GMDS: variants seen among roughly 807,000 people sequenced by gnomAD.
The protein encoded by GMDS is GDP-mannose 4,6-dehydratase.
A neutral mutation model predicts 49.9 loss-of-function variants in GMDS; 20 were observed. The observed-to-expected ratio is 0.40, with a 90% CI of 0.28 to 0.58. The LOEUF (loss-of-function observed/expected upper bound fraction) is 0.58, where lower values mean the gene tolerates loss of function less well. Ranked by LOEUF, GMDS falls within the 20% of genes least tolerant of loss-of-function variation. GMDS has a pLI of 0.42. For synonymous variants in GMDS, 177 were observed against 178.6 expected (o/e 0.99, Z 0.07); for missense variants, 362 against 481.4 (o/e 0.75, Z 2.32).
chr6:2,048,430 T>C, intron 4 of GMDS, among the ~76,000 whole-genome samples: 1 of 152,254 alleles, frequency 6.6e-6, no homozygotes, highest in East Asian at 1.9e-4. Context: ...ACTGTTTTAA[T>C]TAATATGACT....
chr6:1,634,152 G>A (rs998724685), intron 9 of GMDS, among the ~76,000 whole-genome samples: 6 of 152,148 alleles, frequency 3.9e-5, no homozygotes, highest in Non-Finnish European at 7.3e-5. Flanking sequence ...AGCACCTGGC[G>A]ACTCAGGTGC....
intron 4 of GMDS, among the ~76,000 whole-genome samples, chr6:2,035,572 A>G (rs1030254718): frequency 3.9e-5 from 6 of 152,158 alleles, no homozygotes; most frequent in African/African-American, 1.2e-4. Context: ...CTCCTAAATA[A>G]AAGCTCAAAT....
intron 4 of GMDS, among the ~76,000 whole-genome samples, chr6:2,072,041 G>T (rs888280138): frequency 5.9e-5 from 9 of 152,140 alleles, no homozygotes; most frequent in Admixed American, 5.9e-4. Context: ...TGAGTAAGAG[G>T]GTTCTTGCCA....
chr6:2,069,934 T>C (rs375118813), intron 4 of GMDS, among the ~76,000 whole-genome samples: 1 of 152,068 alleles, frequency 6.6e-6, no homozygotes, highest in Admixed American at 6.5e-5. Flanking sequence ...ACCCAAAGAA[T>C]TATAAATCAT....
chr6:1,867,487 A>G (rs1232127483), intron 7 of GMDS, among the ~76,000 whole-genome samples: 2 of 152,168 alleles, frequency 1.3e-5, no homozygotes, highest in African/African-American at 4.8e-5. Flanking sequence ...CAAATCTAGA[A>G]TCCATTTATC....
intron 1 of GMDS, among the ~76,000 whole-genome samples, chr6:2,125,557 G>T (rs1274177156): frequency 6.6e-6 from 1 of 152,080 alleles, no homozygotes; most frequent in Non-Finnish European, 1.5e-5. Context: ...TTGCAAAACT[G>T]CACTCCAGCC....
At chr6:2,099,376 T>C (rs1398490850) in intron 4 of GMDS, among the ~76,000 whole-genome samples, 1 of 152,124 alleles carries the variant, frequency 6.6e-6, no homozygotes, top group East Asian at 1.9e-4. Context: ...AATAGGTTTG[T>C]TTGTATTTTT....
At chr6:1,964,940 T>C (rs536431114) in intron 4 of GMDS, among the ~76,000 whole-genome samples, 1 of 152,286 alleles carries the variant, frequency 6.6e-6, no homozygotes, top group South Asian at 2.1e-4. Flanking sequence ...TTTGTCCTTG[T>C]AATAGTTTGC....
chr6:1,810,943 G>C (rs979233789), intron 7 of GMDS, among the ~76,000 whole-genome samples: 1 of 151,992 alleles, frequency 6.6e-6, no homozygotes, highest in Non-Finnish European at 1.5e-5. Flanking sequence ...GAAACGGGAA[G>C]TATCTCACAA....
At chr6:1,861,520 G>A (rs1298804115) in intron 7 of GMDS, among the ~76,000 whole-genome samples, 3 of 151,654 alleles carry the variant, frequency 2.0e-5, no homozygotes, top group Non-Finnish European at 4.4e-5. Flanking sequence ...AGCCCACAGG[G>A]TTGGATTGCT....
rs1763843477 is a variant in GMDS at position 1,959,873 on chromosome 6, T to C, written c.637A>G (p.Arg213Gly). The C allele has an allele frequency of 1.3e-6, 2 of 1,571,866 alleles. No homozygotes were observed. Among genetic ancestry groups the C allele is most frequent in the Non-Finnish European group, 8.7e-7 (1 of 1,147,462 alleles). The change falls in exon 6 of 11, where the codon AGA becomes GGA. Residue 213 changes from arginine to glycine, a missense_variant. Physicochemically the swap from Arg to Gly is moderately radical, Grantham distance 125. Transcript: ENST00000380815. ...AGTTAATATATTTACTGACCTCTTC[T>C]GGGACTCTCATGATTGAAGAGAATG... is the stretch of plus-strand genomic sequence containing the variant. ...NGILFNHESP[R>G]RGANFVTRKI...
intron 7 of GMDS, among the ~76,000 whole-genome samples, chr6:1,906,951 C>T (rs146667812): frequency 1.9e-3 from 291 of 152,246 alleles, no homozygotes; most frequent in African/African-American, 6.7e-3. Flanking sequence ...CCCCAGCCTC[C>T]GAGAGGAGGC....
intron 4 of GMDS, among the ~76,000 whole-genome samples, chr6:2,004,704 G>A (rs571189676): frequency 6.6e-6 from 1 of 152,232 alleles, no homozygotes; most frequent in South Asian, 2.1e-4. Context: ...AAGAAATCCT[G>A]AACACTTCAT....
intron 9 of GMDS, among the ~76,000 whole-genome samples, chr6:1,702,647 T>C (rs1433579283): frequency 6.6e-6 from 1 of 152,178 alleles, no homozygotes; most frequent in Non-Finnish European, 1.5e-5. Flanking sequence ...CTACTGTTGA[T>C]AAGGGTGGTG....
intron 7 of GMDS, among the ~76,000 whole-genome samples, chr6:1,830,457 G>A (rs1299195811): frequency 6.6e-6 from 1 of 152,204 alleles, no homozygotes; most frequent in Non-Finnish European, 1.5e-5. Context: ...AGGAGAGGGA[G>A]TATGTGTATT....
chr6:2,156,674 G>A (rs1167617823), intron 1 of GMDS, among the ~76,000 whole-genome samples: 1 of 151,182 alleles, frequency 6.6e-6, no homozygotes, highest in Non-Finnish European at 1.5e-5. Flanking sequence ...CCTAAAGTAA[G>A]GTAAGAACTG....
chr6:1,892,107 C>T (rs956263718), intron 7 of GMDS, among the ~76,000 whole-genome samples: 5 of 151,786 alleles, frequency 3.3e-5, no homozygotes, highest in Non-Finnish European at 7.4e-5. Context: ...ATAACAGAAA[C>T]AACATAGTAG....
rs115572269 is a variant in GMDS at position 2,183,019 on chromosome 6, T to A, written c.103-58288A>T. 5.5e-3 allele frequency among the ~76,000 whole-genome samples: 836 copies of A among 152,298 alleles called. 2 individuals are homozygous for A. Among genetic ancestry groups the A allele is most frequent in the Middle Eastern group, 0.017 (5 of 292 alleles). On this transcript the variant is annotated intron_variant, in intron 1 of 10. Transcript: ENST00000380815. ...CACCACGCCCAGACAAAAGATTATT[T>A]GCAAATCATTACTGTTCACTGACAA...
At chr6:1,690,022 T>C (rs767788603) in intron 9 of GMDS, among the ~76,000 whole-genome samples, 3 of 152,128 alleles carry the variant, frequency 2.0e-5, no homozygotes, top group African/African-American at 7.2e-5. Flanking sequence ...GGAGAATCTC[T>C]TGAACCCGGG....
Sources: gnomAD v4.1 joint callset for allele counts (sites outside exome capture counted in the v4.1 genomes callset) on GRCh38, gnomAD v4.1.1 for gene constraint, MANE v1.5 for transcripts, NCBI Gene and HGNC (gene_info 2026-07-23, HGNC 2026-07-21) for gene names.